ANKRD30BL: variants seen among roughly 807,000 people sequenced by gnomAD.
The protein encoded by ANKRD30BL is ankyrin repeat domain 30B like.
ANKRD30BL carries 20 observed loss-of-function variants against 18.4 expected under a neutral mutation model. The observed-to-expected ratio is 1.09, with a 90% CI of 0.77 to 1.58. The LOEUF (loss-of-function observed/expected upper bound fraction) is 1.58, where lower values mean the gene tolerates loss of function less well. Ranked by LOEUF, ANKRD30BL falls within the 40% of genes most tolerant of loss-of-function variation. The pLI is 0.00. For missense variants in ANKRD30BL, 224 were observed against 268.6 expected (o/e 0.83, Z 1.16); for synonymous variants, 72 against 100.9 (o/e 0.71, Z 1.72).
intron 1 of ANKRD30BL, among the ~76,000 whole-genome samples, chr2:132,202,974 C>G: frequency 6.6e-6 from 1 of 152,180 alleles, no homozygotes; most frequent in East Asian, 1.9e-4. Flanking sequence ...CAAAGCAGAT[C>G]AGGATATTCT....
In ANKRD30BL at chr2:132,219,295, C is replaced by T. The variant is rs558670201; in HGVS notation, n.441+38234G>A. 2.2e-3 allele frequency among the ~76,000 whole-genome samples: 331 copies of T among 149,128 alleles called. 1 individual carries two copies. The highest frequency in any genetic ancestry group is 7.9e-3 in the African/African-American group (308 of 38,812). ...GATATTTGGACTGCTTACCAGCCTT[C>T]GCTGGAAACAGGAATATCTTCACGT... On this transcript the variant is annotated intron_variant and non_coding_transcript_variant, in intron 1 of 4. Transcript: ENST00000470729.
intron 1 of ANKRD30BL, among the ~76,000 whole-genome samples, chr2:132,200,393 T>C (rs1376731407): frequency 1.3e-5 from 2 of 152,020 alleles, no homozygotes; most frequent in African/African-American, 4.8e-5. Flanking sequence ...GTCTAGAAAA[T>C]CCCATTGTCT....
At chr2:132,233,039 T>A (rs1312667077) in intron 1 of ANKRD30BL, among the ~76,000 whole-genome samples, 2 of 151,950 alleles carry the variant, frequency 1.3e-5, no homozygotes, top group Non-Finnish European at 2.9e-5. Context: ...TTCAACATTC[T>A]TAAAGAAAAG....
At chr2:132,177,631 A>G (rs1326659419) in intron 1 of ANKRD30BL, among the ~76,000 whole-genome samples, 1 of 152,222 alleles carries the variant, frequency 6.6e-6, no homozygotes, top group African/African-American at 2.4e-5. Context: ...CCTAGTGATT[A>G]AAGAATTTAA....
intron 1 of ANKRD30BL, among the ~76,000 whole-genome samples, chr2:132,226,878 T>C (rs1200865505): frequency 1.3e-5 from 2 of 152,096 alleles, no homozygotes; most frequent in Non-Finnish European, 2.9e-5. Flanking sequence ...ACATAAAATC[T>C]AGACAGAAGC....
At chr2:132,185,324 G>T (rs1306113024) in intron 1 of ANKRD30BL, among the ~76,000 whole-genome samples, 5 of 152,156 alleles carry the variant, frequency 3.3e-5, no homozygotes, top group Non-Finnish European at 7.3e-5. Context: ...AGAGAAGAAG[G>T]CAGTCCCTAC....
intron 1 of ANKRD30BL, chr2:132,257,063 C>A: frequency 2.1e-6 from 1 of 476,438 alleles, no homozygotes; most frequent in Non-Finnish European, 4.2e-6. Context: ...CCTAGGATGC[C>A]GGACGGCCCT....
At chr2:132,204,459 G>A (rs1814884) in intron 1 of ANKRD30BL, among the ~76,000 whole-genome samples, 15 of 92,890 alleles carry the variant, frequency 1.6e-4, no homozygotes, top group African/African-American at 7.0e-4. Flanking sequence ...CATATAGTGT[G>A]TATGTATGTA....
intron 1 of ANKRD30BL, among the ~76,000 whole-genome samples, chr2:132,240,128 C>T (rs1019266243): frequency 2.2e-4 from 33 of 151,362 alleles, no homozygotes; most frequent in African/African-American, 8.0e-4. Flanking sequence ...GATATGAGAC[C>T]TATGGTGAAA....
intron 1 of ANKRD30BL, among the ~76,000 whole-genome samples, chr2:132,234,144 C>A (rs1030173469): frequency 1.3e-5 from 2 of 152,070 alleles, no homozygotes; most frequent in East Asian, 3.9e-4. Context: ...CCAACATGAA[C>A]AAAGACACAA....
chr2:132,167,403 C>CA (rs1688208681), intron 1 of ANKRD30BL, among the ~76,000 whole-genome samples: 1 of 151,422 alleles, frequency 6.6e-6, no homozygotes, highest in African/African-American at 2.4e-5. Context: ...TGGCACAATG[C>CA]AACCTCCACA....
intron 1 of ANKRD30BL, among the ~76,000 whole-genome samples, chr2:132,173,791 G>A (rs1370510535): frequency 6.6e-6 from 1 of 152,090 alleles, no homozygotes; most frequent in Non-Finnish European, 1.5e-5. Context: ...TCATTATTAA[G>A]TTTTATTATT....
chr2:132,250,464 A>C (rs569907960), intron 1 of ANKRD30BL, among the ~76,000 whole-genome samples: 1 of 152,356 alleles, frequency 6.6e-6, no homozygotes, highest in East Asian at 1.9e-4. Context: ...CTTGTGGTGC[A>C]GCACACATGT....
intron 1 of ANKRD30BL, among the ~76,000 whole-genome samples, chr2:132,231,171 A>T (rs1441850162): frequency 6.6e-6 from 1 of 152,202 alleles, no homozygotes; most frequent in Non-Finnish European, 1.5e-5. Context: ...TAAAAACTAC[A>T]TAGAAGCATT....
chr2:132,205,001 G>T (rs564054393), intron 1 of ANKRD30BL, among the ~76,000 whole-genome samples: 1 of 152,288 alleles, frequency 6.6e-6, no homozygotes, highest in Admixed American at 6.5e-5. Context: ...GATAAAAGGA[G>T]CACAGGAAAA....
At position 132,177,405 on chromosome 2, in the gene ANKRD30BL, G is replaced by A. The variant is rs186717057; in HGVS notation, n.442-20259C>T. Among the ~76,000 whole-genome samples the A allele has an allele frequency of 3.6e-3, 546 of 152,182 alleles. 6 individuals are homozygous for A. Among genetic ancestry groups the A allele is most frequent in the Non-Finnish European group, 6.1e-3 (414 of 68,010 alleles). On this transcript the variant is annotated intron_variant and non_coding_transcript_variant, in intron 1 of 4. Transcript: ENST00000470729. ...TAGATCTCATTATCTGCCCACCTCG[G>A]CCTCCCAAACTGCTGAGATTACAGG...
chr2:132,156,039 T>C (rs1273795884), intron 3 of ANKRD30BL: 1 of 152,162 alleles, frequency 6.6e-6, no homozygotes, highest in Admixed American at 6.5e-5. Context: ...TCTATTGTAA[T>C]TGATACTATT....
chr2:132,175,914 C>T (rs1454653144), intron 1 of ANKRD30BL, among the ~76,000 whole-genome samples: 2 of 151,646 alleles, frequency 1.3e-5, no homozygotes, highest in African/African-American at 4.9e-5. Context: ...GTGATTGGGG[C>T]AAAGTTACAG....
At chr2:132,189,434 A>G (rs1405247206) in intron 1 of ANKRD30BL, among the ~76,000 whole-genome samples, 3 of 151,944 alleles carry the variant, frequency 2.0e-5, no homozygotes, top group Non-Finnish European at 4.4e-5. Context: ...CAAACAGGAA[A>G]ACATATTGCA....
Sources: gnomAD v4.1 joint callset for allele counts (sites outside exome capture counted in the v4.1 genomes callset) on GRCh38, gnomAD v4.1.1 for gene constraint, MANE v1.5 for transcripts, NCBI Gene and HGNC (gene_info 2026-07-23, HGNC 2026-07-21) for gene names.